The following LRBA variants were observed in gnomAD, a reference collection of about 807,000 sequenced individuals.
LRBA encodes lipopolysaccharide-responsive and beige-like anchor protein.
In LRBA, 176 loss-of-function variants were observed where a neutral mutation model predicts 330.0. The ratio of observed to expected loss-of-function variants is 0.53; its 90% CI spans 0.47 to 0.60. LRBA has a LOEUF of 0.60. Among genes scored for constraint, LRBA ranks in the 20% least tolerant of loss-of-function variants. The probability of loss-of-function intolerance (pLI) is 0.00; values close to 1 mark genes in which losing one functional copy is unlikely to be tolerated. For synonymous variants in LRBA, 1,230 were observed against 1,193.0 expected (o/e 1.03, Z -0.64); for missense variants, 3,259 against 3,444.8 (o/e 0.95, Z 1.35).
chr4:150,277,289 G>A (rs1746910013), intron 56 of LRBA, among the ~76,000 whole-genome samples: 2 of 151,910 alleles, frequency 1.3e-5, no homozygotes, highest in African/African-American at 4.8e-5. Flanking sequence ...GGGCCTAGGG[G>A]AGGGATAGCA....
At chr4:150,910,914 T>C (rs977313408) in intron 9 of LRBA, among the ~76,000 whole-genome samples, 2 of 152,192 alleles carry the variant, frequency 1.3e-5, no homozygotes, top group Non-Finnish European at 2.9e-5. Flanking sequence ...CTTGGTTGAG[T>C]TTATTTCTAA....
intron 34 of LRBA, among the ~76,000 whole-genome samples, chr4:150,773,258 T>A (rs1457485571): frequency 6.6e-6 from 1 of 152,190 alleles, no homozygotes; most frequent in Non-Finnish European, 1.5e-5. Context: ...AACTAAATTA[T>A]GACATACAGC....
intron 35 of LRBA, among the ~76,000 whole-genome samples, chr4:150,757,271 T>C (rs927697273): frequency 2.6e-5 from 4 of 152,200 alleles, no homozygotes; most frequent in African/African-American, 9.6e-5. Flanking sequence ...CAAATCACTA[T>C]AAATTTCACA....
intron 34 of LRBA, among the ~76,000 whole-genome samples, chr4:150,796,410 A>C (rs1013617432): frequency 9.9e-5 from 15 of 152,112 alleles, no homozygotes; most frequent in African/African-American, 3.6e-4. Context: ...ACTGTGCTAC[A>C]TCTTGTAGAG....
intron 34 of LRBA, among the ~76,000 whole-genome samples, chr4:150,790,813 T>C (rs1293774284): frequency 6.6e-6 from 1 of 152,194 alleles, no homozygotes; most frequent in African/African-American, 2.4e-5. Flanking sequence ...AAAGAATACC[T>C]ACTTTCTCGG....
chr4:150,724,901 T>TACAC lies in LRBA; in HGVS notation c.5754+10356_5754+10357insGTGT, dbSNP rs1461783726. On this transcript the variant is annotated intron_variant, in intron 36 of 56. Coordinates refer to ENST00000651943, the MANE Select transcript of LRBA (RefSeq NM_001364905.1). ...ATATATACATATATATATGTATATATATACACACACACACACACACATACA... is the reference window on the plus strand; with the variant it reads ...ATATATACATATATATATGTATATATACACATACACACACACACACACACATACA... 3.1e-3 allele frequency among the ~76,000 whole-genome samples: 458 copies of TACAC among 147,286 alleles called. 3 individuals carry two copies. Among genetic ancestry groups the TACAC allele is most frequent in the African/African-American group, 0.011 (442 of 40,062 alleles).
intron 2 of LRBA, among the ~76,000 whole-genome samples, chr4:150,972,298 G>T (rs962308909): frequency 6.6e-6 from 1 of 151,862 alleles, no homozygotes; most frequent in Non-Finnish European, 1.5e-5. Flanking sequence ...CAAATATAAG[G>T]GGAGGAGATG....
intron 46 of LRBA, 59 bp from the exon 47 acceptor site, chr4:150,415,649 CA>C (rs1000873661): frequency 4.5e-5 from 45 of 990,598 alleles, no homozygotes; most frequent in Middle Eastern, 2.2e-4. Flanking sequence ...ACTAGATATT[CA>C]AAAAAAGGAC....
intron 47 of LRBA, among the ~76,000 whole-genome samples, chr4:150,383,199 C>T (rs114652490): frequency 0.022 from 3,405 of 152,224 alleles, 122 homozygotes; most frequent in African/African-American, 0.076. Context: ...TGCTTATTAA[C>T]GTCACCAAAG....
At chr4:150,423,591 C>T (rs1749125664) in intron 46 of LRBA, 2 of 341,234 alleles carry the variant, frequency 5.9e-6, no homozygotes, top group Non-Finnish European at 1.1e-5. Context: ...TGCTTGCCCA[C>T]AAAAGGAGAG....
chr4:150,395,248 A>G (rs905326045), intron 47 of LRBA, among the ~76,000 whole-genome samples: 1 of 152,260 alleles, frequency 6.6e-6, no homozygotes, highest in Middle Eastern at 3.4e-3. Context: ...TAACATGTCT[A>G]AAACTGAATT....
intron 17 of LRBA, among the ~76,000 whole-genome samples, chr4:150,887,311 T>G (rs1166884166): frequency 6.6e-6 from 1 of 152,146 alleles, no homozygotes; most frequent in Non-Finnish European, 1.5e-5. Flanking sequence ...CAAGTTTCTA[T>G]GCACAAACTA....
intron 2 of LRBA, among the ~76,000 whole-genome samples, chr4:150,943,247 C>T (rs1179093851): frequency 6.6e-6 from 1 of 152,174 alleles, no homozygotes; most frequent in African/African-American, 2.4e-5. Context: ...ACAACCAATG[C>T]ATGGACTTCC....
At chr4:150,276,687 C>T (rs1746823893) in intron 56 of LRBA, among the ~76,000 whole-genome samples, 1 of 152,216 alleles carries the variant, frequency 6.6e-6, no homozygotes, top group Non-Finnish European at 1.5e-5. Flanking sequence ...CTCTTTATCA[C>T]TGGTCATTAG....
chr4:150,572,172 GAAGC>G (rs1283798468), intron 40 of LRBA, among the ~76,000 whole-genome samples: 2 of 152,032 alleles, frequency 1.3e-5, no homozygotes, highest in Non-Finnish European at 2.9e-5. Flanking sequence ...TTGTAAATCA[GAAGC>G]AAGTACAATT....
intron 14 of LRBA, 80 bp downstream of exon 14, chr4:150,899,969 T>G: frequency 9.6e-7 from 1 of 1,044,368 alleles, no homozygotes. Flanking sequence ...AAATATATGA[T>G]AGTACTGGTT....
intron 47 of LRBA, among the ~76,000 whole-genome samples, chr4:150,398,385 G>A (rs1421080880): frequency 6.6e-6 from 1 of 151,952 alleles, no homozygotes; most frequent in Middle Eastern, 3.2e-3. Flanking sequence ...AAATGCTGCT[G>A]GACAAAAAGT....
At chr4:150,692,510 A>G (rs561056539) in intron 36 of LRBA, among the ~76,000 whole-genome samples, 1 of 152,256 alleles carries the variant, frequency 6.6e-6, no homozygotes, top group East Asian at 1.9e-4. Context: ...ATGAGCCACC[A>G]TGCCCAGCAA....
chr4:150,741,702 G>A (rs1027500545), intron 35 of LRBA, among the ~76,000 whole-genome samples: 1 of 152,078 alleles, frequency 6.6e-6, no homozygotes, highest in African/African-American at 2.4e-5. Flanking sequence ...TCAATATTAT[G>A]CATAACAATA....
Sources: allele counts gnomAD v4.1 joint callset (sites outside exome capture counted in the v4.1 genomes callset), GRCh38; gene constraint gnomAD v4.1.1; transcripts MANE v1.5; gene names NCBI Gene and HGNC (gene_info 2026-07-23, HGNC 2026-07-21).